Variants in THSD7A observed in about 807,000 individuals in gnomAD.
The protein encoded by THSD7A is thrombospondin type-1 domain-containing protein 7A.
A neutral mutation model predicts 231.3 loss-of-function variants in THSD7A; 96 were observed. The observed-to-expected ratio is 0.41, with a 90% confidence interval of 0.35 to 0.49. The LOEUF (loss-of-function observed/expected upper bound fraction) is 0.49. THSD7A is among the 20% of genes least tolerant of loss of function. The probability of loss-of-function intolerance (pLI) is 0.05; values close to 1 mark genes in which losing one functional copy is unlikely to be tolerated. For synonymous variants in THSD7A, 940 were observed against 743.3 expected (o/e 1.26, Z -4.30); for missense variants, 2,290 against 2,070.2 (o/e 1.11, Z -2.06).
chr7:11,533,970 ACT>A (rs559098919), intron 6 of THSD7A, among the ~76,000 whole-genome samples: 50 of 152,020 alleles, frequency 3.3e-4, no homozygotes, highest in African/African-American at 1.1e-3. Flanking sequence ...GTGCTTTTCC[ACT>A]CTCTTTCACA....
At chr7:11,470,291 T>G (rs1199188796) in intron 8 of THSD7A, among the ~76,000 whole-genome samples, 6 of 152,086 alleles carry the variant, frequency 3.9e-5, no homozygotes, top group Admixed American at 2.6e-4. Context: ...TCTCCATTAA[T>G]AAGTATTTAT....
chr7:11,539,468 G>C (rs187968647), intron 6 of THSD7A, among the ~76,000 whole-genome samples: 1 of 152,062 alleles, frequency 6.6e-6, no homozygotes, highest in African/African-American at 2.4e-5. Flanking sequence ...AATTCATTCC[G>C]TTTGTGATGT....
At chr7:11,612,515 A>G (rs959399306) in intron 2 of THSD7A, among the ~76,000 whole-genome samples, 22 of 152,230 alleles carry the variant, frequency 1.4e-4, no homozygotes, top group African/African-American at 5.3e-4. Flanking sequence ...GTGAATATAT[A>G]TGTGTTTCCT....
At chr7:11,629,707 T>TAGACTGC (rs1781586534) in intron 2 of THSD7A, among the ~76,000 whole-genome samples, 1 of 152,166 alleles carries the variant, frequency 6.6e-6, no homozygotes, top group African/African-American at 2.4e-5. Context: ...AGAGCTGCCT[T>TAGACTGC]AGTCTATAGG....
intron 1 of THSD7A, among the ~76,000 whole-genome samples, chr7:11,677,338 A>T (rs10950362): frequency 0.21 from 31,730 of 151,850 alleles, 3,766 homozygotes; most frequent in East Asian, 0.34. Context: ...GACCATCAAA[A>T]CTATGAAGAA....
At chr7:11,579,971 C>T (rs2189639) in intron 4 of THSD7A, among the ~76,000 whole-genome samples, 41,954 of 151,980 alleles carry the variant, frequency 0.28, 5,967 homozygotes, top group South Asian at 0.39. Flanking sequence ...GCCCATGAAG[C>T]TTAAGGTTTG....
intron 11 of THSD7A, among the ~76,000 whole-genome samples, chr7:11,448,423 G>A (rs1745102287): frequency 6.6e-6 from 1 of 152,018 alleles, no homozygotes; most frequent in Non-Finnish European, 1.5e-5. Context: ...TCCTAAAGTT[G>A]GCTTCACTGA....
intron 1 of THSD7A, among the ~76,000 whole-genome samples, chr7:11,794,780 A>G (rs151065536): frequency 2.6e-5 from 4 of 151,966 alleles, no homozygotes; most frequent in African/African-American, 7.2e-5. Flanking sequence ...CTACAAAAGC[A>G]TATGTGCCAT....
intron 6 of THSD7A, among the ~76,000 whole-genome samples, chr7:11,513,763 C>T (rs1200283375): frequency 6.6e-6 from 1 of 152,092 alleles, no homozygotes; most frequent in African/African-American, 2.4e-5. Flanking sequence ...CTGTATTGTG[C>T]ACTTTAAAAT....
chr7:11,407,330 A>T lies in THSD7A; in HGVS notation c.3892T>A (p.Cys1298Ser). Reference sequence around the variant, plus strand: ...CCTGTGAGGCCACATGTTTGAGAACATTCTGACCAAGGAGACCAATCAGAA... The same window carrying T: ...CCTGTGAGGCCACATGTTTGAGAACTTTCTGACCAAGGAGACCAATCAGAA... ...QLSDWSPWSECSQTCGLTGKM... is the reference protein window; with the variant it reads ...QLSDWSPWSESSQTCGLTGKM... The change falls in exon 20 of 28, where the codon TGT becomes AGT. Residue 1298 changes from cysteine to serine, a missense_variant. Cys to Ser is a moderately radical substitution (Grantham distance 112, BLOSUM62 -1). Coordinates refer to ENST00000423059, the MANE Select transcript of THSD7A (RefSeq NM_015204.3). The T allele has an allele frequency of 3.1e-6, 5 of 1,613,542 alleles. No individual in the cohort carries two copies. The highest frequency in any genetic ancestry group is 4.2e-6 in the Non-Finnish European group (5 of 1,179,746).
At chr7:11,748,147 G>C (rs1348291411) in intron 1 of THSD7A, among the ~76,000 whole-genome samples, 1 of 151,994 alleles carries the variant, frequency 6.6e-6, no homozygotes, top group East Asian at 1.9e-4. Flanking sequence ...TGCAACTGCA[G>C]GAGAGAATGT....
At chr7:11,591,611 T>G (rs1780168172) in intron 3 of THSD7A, among the ~76,000 whole-genome samples, 1 of 152,130 alleles carries the variant, frequency 6.6e-6, no homozygotes. Context: ...TAAGGTTTTG[T>G]GACAGTAAAG....
chr7:11,420,612 C>G (rs1342294623), intron 16 of THSD7A, among the ~76,000 whole-genome samples: 2 of 152,140 alleles, frequency 1.3e-5, no homozygotes, highest in East Asian at 1.9e-4. Flanking sequence ...GGGGTTGGGC[C>G]CCCCCACACA....
At chr7:11,685,136 T>C (rs1368967659) in intron 1 of THSD7A, among the ~76,000 whole-genome samples, 2 of 151,900 alleles carry the variant, frequency 1.3e-5, no homozygotes, top group African/African-American at 2.4e-5. Context: ...GAACACTCTA[T>C]TTAATAAATG....
intron 2 of THSD7A, among the ~76,000 whole-genome samples, chr7:11,611,156 T>A (rs1413203766): frequency 6.6e-6 from 1 of 152,136 alleles, no homozygotes; most frequent in Admixed American, 6.5e-5. Context: ...TTTTTTAAGT[T>A]AAAATACAGT....
chr7:11,736,520 T>C (rs980500520), intron 1 of THSD7A, among the ~76,000 whole-genome samples: 2 of 141,538 alleles, frequency 1.4e-5, no homozygotes, highest in Non-Finnish European at 3.0e-5. Flanking sequence ...GTAAACATGT[T>C]AAATATAGAA....
intron 9 of THSD7A, among the ~76,000 whole-genome samples, chr7:11,466,303 A>C (rs914166033): frequency 5.9e-5 from 9 of 152,174 alleles, no homozygotes; most frequent in African/African-American, 1.9e-4. Flanking sequence ...TGGTGTGTGT[A>C]AATTGGTGTA....
chr7:11,408,241 G>A (rs1783654778), intron 19 of THSD7A, among the ~76,000 whole-genome samples: 2 of 152,130 alleles, frequency 1.3e-5, no homozygotes. Context: ...GGGTGCGGTG[G>A]CTCATGCCTG....
Position 11,412,796 on chromosome 7 carries a change from CAAGGCTT to C in THSD7A, c.3538-3_3541del. On this transcript the variant is annotated splice_acceptor_variant and splice_polypyrimidine_tract_variant and coding_sequence_variant and intron_variant, in exon 18 of 28. Transcript: ENST00000423059. LOFTEE classifies it high-confidence loss of function. ...CCTTTGCCGGAAACTGCTTTGATTG[CAAGGCTT>C]AAAAAGAACAGTACAAATTCTCAGA... The C allele has an allele frequency of 6.2e-7, 1 of 1,610,806 alleles. No homozygotes were observed. Among genetic ancestry groups the C allele is most frequent in the Non-Finnish European group, 8.5e-7 (1 of 1,178,202 alleles).
Sources: allele counts gnomAD v4.1 joint callset (sites outside exome capture counted in the v4.1 genomes callset), GRCh38; gene constraint gnomAD v4.1.1; transcripts MANE v1.5; gene names NCBI Gene and HGNC (gene_info 2026-07-23, HGNC 2026-07-21).